The following HPSE2 variants were observed in gnomAD, a reference collection of about 807,000 sequenced individuals.
HPSE2 encodes inactive heparanase-2.
HPSE2 carries 38 observed loss-of-function variants against 60.5 expected under a neutral mutation model. That is an observed-to-expected ratio of 0.63 (90% CI 0.48 to 0.82). HPSE2 has a LOEUF of 0.82. Ranked by LOEUF, HPSE2 falls within the 40% of genes least tolerant of loss-of-function variation. The pLI is 0.00. For missense variants in HPSE2, 713 were observed against 740.4 expected, an observed-to-expected ratio of 0.96 and a Z score of 0.43; for synonymous variants, 295 against 293.2, an observed-to-expected ratio of 1.01 and a Z score of -0.06.
intron 3 of HPSE2, among the ~76,000 whole-genome samples, chr10:98,790,571 G>A (rs1253264101): frequency 5.3e-5 from 8 of 152,164 alleles, no homozygotes; most frequent in African/African-American, 1.9e-4. Flanking sequence ...GTGATCCATT[G>A]TACTGCATGC....
rs1169242285 is a variant in HPSE2 at position 98,965,753 on chromosome 10, T to C, written c.610+178485A>G. ...GCACTCATGTCTCTTAACTTATTAG[T>C]TGTCTTGCATCATCAACTTTTCATG... On this transcript the variant is annotated intron_variant, in intron 3 of 11. Transcript: ENST00000370552. Among the ~76,000 whole-genome samples the C allele has an allele frequency of 2.6e-5, 4 of 152,256 alleles. No individual in the cohort carries two copies. The South Asian group carries it at 8.3e-4, about 31-fold the overall frequency.
chr10:98,699,831 A>G (rs1362540297), intron 5 of HPSE2, among the ~76,000 whole-genome samples: 1 of 118,036 alleles, frequency 8.5e-6, no homozygotes, highest in Non-Finnish European at 1.9e-5. Context: ...AATCACAAGC[A>G]TTCTTATACA....
chr10:98,790,918 A>C (rs1950642356), intron 3 of HPSE2, among the ~76,000 whole-genome samples: 1 of 152,206 alleles, frequency 6.6e-6, no homozygotes, highest in African/African-American at 2.4e-5. Context: ...GCTTCAAAAA[A>C]CAGTGGCCTT....
intron 3 of HPSE2, among the ~76,000 whole-genome samples, chr10:98,956,850 A>G (rs759119532): frequency 1.8e-4 from 27 of 152,168 alleles, no homozygotes; most frequent in Non-Finnish European, 2.8e-4. Flanking sequence ...AGCCTCAACG[A>G]TGAAAAGGTA....
intron 3 of HPSE2, among the ~76,000 whole-genome samples, chr10:98,894,795 G>A (rs1953437268): frequency 6.6e-6 from 1 of 151,674 alleles, no homozygotes; most frequent in Non-Finnish European, 1.5e-5. Context: ...ATGTTGCCAA[G>A]AAAGATAAAG....
At chr10:99,263,287 C>G in the HPSE2 span, among the ~76,000 whole-genome samples, 2 of 152,262 alleles carry the variant, frequency 1.3e-5, no homozygotes, top group South Asian at 4.2e-4. Flanking sequence ...TGCTCTGCCC[C>G]TCTCCACTAC....
the HPSE2 span, among the ~76,000 whole-genome samples, chr10:99,253,246 T>G: frequency 6.7e-4 from 102 of 152,270 alleles, no homozygotes; most frequent in African/African-American, 2.3e-3. Flanking sequence ...AATAAGGCTA[T>G]GGCAACCAAA....
intron 4 of HPSE2, among the ~76,000 whole-genome samples, chr10:98,725,618 C>G (rs1949053988): frequency 6.6e-6 from 1 of 152,138 alleles, no homozygotes; most frequent in South Asian, 2.1e-4. Context: ...GCAATGGCAA[C>G]AAAAGCCAAA....
intron 9 of HPSE2, among the ~76,000 whole-genome samples, chr10:98,599,031 G>A (rs1945325229): frequency 1.3e-5 from 2 of 152,078 alleles, no homozygotes; most frequent in African/African-American, 4.8e-5. Context: ...AGGTGGTCCT[G>A]AAGCCTGGGT....
intron 3 of HPSE2, among the ~76,000 whole-genome samples, chr10:98,979,295 G>T (rs1445472455): frequency 6.6e-6 from 1 of 152,104 alleles, no homozygotes; most frequent in Non-Finnish European, 1.5e-5. Context: ...TTTGGTAATT[G>T]ATACCAGAGG....
At chr10:99,049,853 A>C (rs1355237394) in intron 3 of HPSE2, among the ~76,000 whole-genome samples, 3 of 152,224 alleles carry the variant, frequency 2.0e-5, no homozygotes. Context: ...TATCTAATAA[A>C]GGACTTCTAC....
the HPSE2 span, among the ~76,000 whole-genome samples, chr10:99,283,120 A>G: frequency 6.6e-6 from 1 of 151,388 alleles, no homozygotes; most frequent in African/African-American, 2.4e-5. Flanking sequence ...CAAAAGGCAG[A>G]GCTTGCAGTG....
At chr10:98,606,541 G>A (rs761674236) in intron 9 of HPSE2, among the ~76,000 whole-genome samples, 28 of 152,314 alleles carry the variant, frequency 1.8e-4, no homozygotes, top group Admixed American at 4.6e-4. Context: ...AGACGAGGGT[G>A]AATTTTAGAA....
intron 3 of HPSE2, among the ~76,000 whole-genome samples, chr10:98,801,763 C>T (rs1402168662): frequency 1.3e-5 from 2 of 152,142 alleles, no homozygotes; most frequent in African/African-American, 4.8e-5. Flanking sequence ...AGTGTTCACA[C>T]TACCCAGACC....
chr10:99,043,328 C>CA (rs1957784387), intron 3 of HPSE2, among the ~76,000 whole-genome samples: 1 of 151,918 alleles, frequency 6.6e-6, no homozygotes. Flanking sequence ...ACTAAAAATA[C>CA]AAAAAATTAG....
intron 4 of HPSE2, among the ~76,000 whole-genome samples, chr10:98,722,228 G>T (rs1279933070): frequency 6.7e-6 from 1 of 148,546 alleles, no homozygotes; most frequent in Admixed American, 6.9e-5. Context: ...AGATTACAGT[G>T]GGTCCTAAAT....
At chr10:99,023,526 T>C (rs4919269) in intron 3 of HPSE2, among the ~76,000 whole-genome samples, 115,810 of 151,970 alleles carry the variant, frequency 0.76, 44,440 homozygotes, top group East Asian at 0.86. Context: ...GGAGTGGATA[T>C]AACAGGCTTT....
chr10:98,609,209 C>G (rs190017942), intron 9 of HPSE2, among the ~76,000 whole-genome samples: 109 of 152,314 alleles, frequency 7.2e-4, no homozygotes, highest in African/African-American at 2.4e-3. Flanking sequence ...TACTCCTCTT[C>G]TAATACACTA....
chr10:98,876,582 A>G (rs1366541005), intron 3 of HPSE2, among the ~76,000 whole-genome samples: 1 of 151,892 alleles, frequency 6.6e-6, no homozygotes, highest in Non-Finnish European at 1.5e-5. Flanking sequence ...TTTTAAGGAA[A>G]ATATTGAGCC....
Sources: allele counts gnomAD v4.1 joint callset (sites outside exome capture counted in the v4.1 genomes callset), GRCh38; gene constraint gnomAD v4.1.1; transcripts MANE v1.5; gene names NCBI Gene and HGNC (gene_info 2026-07-23, HGNC 2026-07-21).